Variants in SEZ6 observed in about 807,000 individuals in gnomAD.
SEZ6 encodes the protein seizure protein 6 homolog.
Under a neutral mutation model 101.0 loss-of-function variants are expected in SEZ6, and 53 were observed. That is an observed-to-expected ratio of 0.52 (90% CI 0.42 to 0.66). The LOEUF (loss-of-function observed/expected upper bound fraction) is 0.66, where lower values mean the gene tolerates loss of function less well. SEZ6 is among the 30% of genes least tolerant of loss of function. SEZ6 has a pLI of 0.00. For synonymous variants in SEZ6, 488 were observed against 512.2 expected (o/e 0.95, Z 0.64); for missense variants, 1,102 against 1,289.4 (o/e 0.85, Z 2.23).
Position 28,993,564 on chromosome 17 carries a change from C to T in SEZ6, c.56-11525G>A, listed in dbSNP as rs189932147. 2.4e-3 allele frequency among the ~76,000 whole-genome samples: 372 copies of T among 152,300 alleles called. 4 individuals are homozygous for T. Among genetic ancestry groups the T allele is most frequent in the Non-Finnish European group, 7.6e-4 (52 of 68,016 alleles). ...AGCTGCATTCTCCCTAGAGCCAGTACCAGGGTCAGCTCTGCCCAGTGCAGT... is the reference window on the plus strand; with the variant it reads ...AGCTGCATTCTCCCTAGAGCCAGTATCAGGGTCAGCTCTGCCCAGTGCAGT... On this transcript the variant is annotated intron_variant, in intron 1 of 16. Transcript: ENST00000317338.
At chr17:28,961,866 T>G (rs2040983899) in intron 5 of SEZ6, among the ~76,000 whole-genome samples, 1 of 152,172 alleles carries the variant, frequency 6.6e-6, no homozygotes, top group Non-Finnish European at 1.5e-5. Context: ...ACACAGGACC[T>G]TTGTCTCCAA....
chr17:28,977,711 G>T (rs528288757), intron 3 of SEZ6, among the ~76,000 whole-genome samples: 2 of 152,216 alleles, frequency 1.3e-5, no homozygotes, highest in East Asian at 1.9e-4. Context: ...GTAGGCTTGG[G>T]GGGGGCAGAC....
intron 4 of SEZ6, among the ~76,000 whole-genome samples, chr17:28,966,276 C>T (rs990639356): frequency 2.7e-5 from 4 of 148,630 alleles, no homozygotes; most frequent in African/African-American, 5.0e-5. Context: ...ATCAGGAGTT[C>T]GAGACCAGCT....
intron 13 of SEZ6, 70 bp from the exon 14 acceptor site, chr17:28,956,827 G>A: frequency 1.3e-6 from 2 of 1,513,026 alleles, no homozygotes; most frequent in South Asian, 2.4e-5. Flanking sequence ...GCAGGGAGAG[G>A]AGGTAGTGGG....
intron 1 of SEZ6, among the ~76,000 whole-genome samples, chr17:28,994,561 A>T (rs568862017): frequency 1.6e-4 from 24 of 152,100 alleles, no homozygotes; most frequent in African/African-American, 5.3e-4. Context: ...GGCGCCCGCC[A>T]CTGAGCCTGG....
At chr17:28,969,498 G>A (rs927185402) in intron 4 of SEZ6, among the ~76,000 whole-genome samples, 1 of 152,192 alleles carries the variant, frequency 6.6e-6, no homozygotes, top group African/African-American at 2.4e-5. Flanking sequence ...GAGGGACAAC[G>A]GGCACACCTA....
Position 28,955,593 on chromosome 17 carries a change from G to A in SEZ6, c.*369C>T. The A allele has an allele frequency of 4.0e-6, 2 of 498,732 alleles. No individual in the cohort carries two copies. The highest frequency in any genetic ancestry group is 7.8e-6 in the Non-Finnish European group (2 of 255,022). 30.9% of individuals were successfully genotyped at this position (498,732 alleles called of 1,614,324 possible). ...ATCCTGCTGCAGGTTGCCATGCCAG[G>A]GCGGGATGGTGGTCATGTGGAGAAA... On this transcript the variant is annotated 3_prime_UTR_variant, in exon 17 of 17. Coordinates refer to ENST00000317338, the MANE Select transcript of SEZ6 (RefSeq NM_178860.5).
intron 4 of SEZ6, 150 bp downstream of exon 4, chr17:28,969,607 T>C: frequency 2.9e-6 from 2 of 696,272 alleles, no homozygotes; most frequent in African/African-American, 1.9e-5. Context: ...TTACCTCCAA[T>C]TGTCCAGAGC....
intron 1 of SEZ6, among the ~76,000 whole-genome samples, chr17:29,004,032 T>G (rs938573373): frequency 6.6e-6 from 1 of 152,192 alleles, no homozygotes; most frequent in Non-Finnish European, 1.5e-5. Context: ...ACTCTAGCCC[T>G]GCAGGGAGCT....
intron 1 of SEZ6, among the ~76,000 whole-genome samples, chr17:28,998,976 C>T (rs545249271): frequency 6.6e-6 from 1 of 152,310 alleles, no homozygotes; most frequent in Non-Finnish European, 1.5e-5. Flanking sequence ...GAGATAGTCA[C>T]AACTGAGCTT....
intron 1 of SEZ6, among the ~76,000 whole-genome samples, chr17:28,985,993 G>A (rs1242755867): frequency 2.0e-5 from 3 of 152,134 alleles, no homozygotes; most frequent in Non-Finnish European, 4.4e-5. Flanking sequence ...GCTGGGTCCG[G>A]GAAACACCCC....
intron 4 of SEZ6, among the ~76,000 whole-genome samples, chr17:28,968,411 G>A (rs773848903): frequency 7.2e-5 from 11 of 152,216 alleles, no homozygotes; most frequent in Non-Finnish European, 1.6e-4. Flanking sequence ...AGCCACCTTT[G>A]TCTGGCCCGA....
rs144941526 is a variant in SEZ6 at position 28,962,431 on chromosome 17, C to T, written c.1241-1458G>A. ...AGATCCTCGAGGGCTGAGAAAGCAT[C>T]TGTGTTATTCAACTCTGGTTGTGCC... is the stretch of plus-strand genomic sequence containing the variant. On this transcript the variant is annotated intron_variant, in intron 5 of 16. Coordinates refer to ENST00000317338, the MANE Select transcript of SEZ6 (RefSeq NM_178860.5). 7.6e-4 allele frequency among the ~76,000 whole-genome samples: 116 copies of T among 152,314 alleles called. 2 individuals are homozygous for T. The East Asian group carries it at 0.015, about 20-fold the overall frequency.
Position 28,957,501 on chromosome 17 carries a change from G to A in SEZ6, c.2341C>T (p.Arg781Ter), listed in dbSNP as rs377403555. The A allele has an allele frequency of 3.1e-5, 50 of 1,613,796 alleles. No homozygotes were observed. Among genetic ancestry groups the A allele is most frequent in the Non-Finnish European group, 4.2e-5 (50 of 1,179,864 alleles). ...AACTTGGGGCTGGATATGAGGCGTC[G>A]GCTGTGCTCCACATCTCCAGGATCG... ...CHDPGDVEHS[R>*]RLISSPKFPV... Residue 781 changes from arginine (R) to a stop codon, truncating the protein, a stop_gained, in exon 12 of 17, where the codon CGA becomes TGA. Transcript: ENST00000317338. LOFTEE classifies it high-confidence loss of function.
intron 1 of SEZ6, among the ~76,000 whole-genome samples, chr17:29,003,908 C>T (rs1017586737): frequency 6.6e-6 from 1 of 152,224 alleles, no homozygotes; most frequent in Non-Finnish European, 1.5e-5. Flanking sequence ...CAGGGACACA[C>T]AGACTTGAGG....
chr17:28,987,679 G>A (rs1043264896), intron 1 of SEZ6, among the ~76,000 whole-genome samples: 2 of 152,122 alleles, frequency 1.3e-5, no homozygotes, highest in African/African-American at 4.8e-5. Context: ...AACTGGGGCT[G>A]GTAAGAGCTG....
intron 1 of SEZ6, among the ~76,000 whole-genome samples, chr17:29,002,088 CTTT>C (rs78272133): frequency 6.5e-5 from 9 of 137,800 alleles, no homozygotes; most frequent in South Asian, 2.4e-4. Flanking sequence ...CCTCTTTCTT[CTTT>C]TTTTTTTTTT....
intron 1 of SEZ6, among the ~76,000 whole-genome samples, chr17:28,984,236 A>T (rs1369198814): frequency 6.6e-6 from 1 of 152,158 alleles, no homozygotes; most frequent in African/African-American, 2.4e-5. Context: ...AGTGCCTGTG[A>T]CATGCCAGAA....
chr17:28,969,166 A>AT (rs553664686), intron 4 of SEZ6, among the ~76,000 whole-genome samples: 3 of 152,076 alleles, frequency 2.0e-5, no homozygotes, highest in East Asian at 1.9e-4. Context: ...TGAGTCTGTG[A>AT]TTTTTTTTCA....
Sources: gnomAD v4.1 joint callset for allele counts (sites outside exome capture counted in the v4.1 genomes callset) on GRCh38, gnomAD v4.1.1 for gene constraint, MANE v1.5 for transcripts, NCBI Gene and HGNC (gene_info 2026-07-23, HGNC 2026-07-21) for gene names.